Variants in SGK1 observed in about 807,000 individuals in gnomAD.
The protein encoded by SGK1 is serum/glucocorticoid regulated kinase 1.
In SGK1, 26 loss-of-function variants were observed where a neutral mutation model predicts 64.2. The observed-to-expected ratio is 0.40, with a 90% CI of 0.30 to 0.56. SGK1 has a LOEUF of 0.56. SGK1 is among the 20% of genes least tolerant of loss of function. The pLI is 0.38. For synonymous variants in SGK1, 265 were observed against 239.7 expected (o/e 1.11, Z -0.98); for missense variants, 519 against 645.6 (o/e 0.80, Z 2.12).
At chr6:134,191,676 T>G (rs892454674) in intron 3 of SGK1, among the ~76,000 whole-genome samples, 1 of 151,408 alleles carries the variant, frequency 6.6e-6, no homozygotes, top group African/African-American at 2.4e-5. Flanking sequence ...TGTTTTTGTT[T>G]TTTTTTTTTT....
At chr6:134,201,656 C>A (rs920821573) in intron 3 of SGK1, among the ~76,000 whole-genome samples, 1 of 152,162 alleles carries the variant, frequency 6.6e-6, no homozygotes, top group Non-Finnish European at 1.5e-5. Context: ...GCCACCACAC[C>A]CGACCTATTA....
intron 1 of SGK1, among the ~76,000 whole-genome samples, chr6:134,264,788 C>T (rs1582751170): frequency 6.6e-6 from 1 of 151,992 alleles, no homozygotes; most frequent in Admixed American, 6.6e-5. Context: ...GGACTACAGG[C>T]GTGCACCACC....
chr6:134,263,819 T>C (rs939705200), intron 1 of SGK1, among the ~76,000 whole-genome samples: 2 of 152,114 alleles, frequency 1.3e-5, no homozygotes, highest in Non-Finnish European at 2.9e-5. Flanking sequence ...CTTTAAACTT[T>C]GGGAGGCTAA....
intron 2 of SGK1, among the ~76,000 whole-genome samples, chr6:134,253,829 A>G (rs1776641404): frequency 6.6e-6 from 1 of 152,102 alleles, no homozygotes; most frequent in Non-Finnish European, 1.5e-5. Context: ...AATCGCATGG[A>G]TCCTTCCAGA....
intron 1 of SGK1, among the ~76,000 whole-genome samples, chr6:134,290,940 T>C (rs2114780331): frequency 6.6e-6 from 1 of 152,140 alleles, no homozygotes; most frequent in African/African-American, 2.4e-5. Flanking sequence ...TCAAAAAATA[T>C]ATTGAAGTGA....
chr6:134,232,483 G>GAGAAAGAA (rs1776305182), intron 2 of SGK1, among the ~76,000 whole-genome samples: 1 of 119,506 alleles, frequency 8.4e-6, no homozygotes, highest in African/African-American at 3.5e-5. Flanking sequence ...AAGAAAGAAA[G>GAGAAAGAA]AGAAAGAAAA....
At chr6:134,213,561 A>G (rs1237826147) in intron 2 of SGK1, among the ~76,000 whole-genome samples, 1 of 106,310 alleles carries the variant, frequency 9.4e-6, no homozygotes, top group African/African-American at 4.9e-5. Context: ...TGTCCTCATG[A>G]AACACCTGTG....
chr6:134,311,195 T>C (rs1043798940), intron 1 of SGK1, among the ~76,000 whole-genome samples: 2 of 152,192 alleles, frequency 1.3e-5, no homozygotes, highest in Non-Finnish European at 2.9e-5. Flanking sequence ...CCAAAGCCTG[T>C]TTAAAGGAAG....
intron 1 of SGK1, among the ~76,000 whole-genome samples, chr6:134,286,458 G>A (rs1418347225): frequency 1.3e-5 from 2 of 150,564 alleles, no homozygotes; most frequent in African/African-American, 4.9e-5. Context: ...GCAAGACCTT[G>A]TCTAAAAACA....
chr6:134,214,685 A>T (rs571945636), intron 2 of SGK1, among the ~76,000 whole-genome samples: 1 of 152,304 alleles, frequency 6.6e-6, no homozygotes, highest in South Asian at 2.1e-4. Context: ...CAGACAGAAT[A>T]ATTTGAATAA....
intron 13 of SGK1, 116 bp from the exon 14 acceptor site, chr6:134,170,551 C>T (rs943376211): frequency 2.1e-6 from 2 of 971,768 alleles, no homozygotes; most frequent in Non-Finnish European, 3.1e-6. Context: ...TCCATAATCA[C>T]CCACTTCAAG....
At chr6:134,201,942 G>C (rs2114677398) in intron 3 of SGK1, among the ~76,000 whole-genome samples, 1 of 152,124 alleles carries the variant, frequency 6.6e-6, no homozygotes, top group East Asian at 1.9e-4. Context: ...GCGTCACCTA[G>C]TTTCAAACTG....
intron 1 of SGK1, among the ~76,000 whole-genome samples, chr6:134,287,805 C>T (rs568409594): frequency 1.3e-5 from 2 of 152,002 alleles, no homozygotes; most frequent in Non-Finnish European, 2.9e-5. Context: ...TTGTACTATG[C>T]AAGAGACATA....
chr6:134,313,268 A>C (rs901285580), intron 1 of SGK1, among the ~76,000 whole-genome samples: 1 of 152,148 alleles, frequency 6.6e-6, no homozygotes, highest in Non-Finnish European at 1.5e-5. Context: ...CTGAAATGTC[A>C]ACACTTTGGG....
intron 3 of SGK1, among the ~76,000 whole-genome samples, chr6:134,206,911 C>T (rs1457625549): frequency 2.1e-5 from 3 of 142,406 alleles, no homozygotes; most frequent in East Asian, 4.3e-4. Flanking sequence ...GCAGTGTATT[C>T]GAGTGTTGGG....
chr6:134,191,286 C>T (rs1198406980), intron 3 of SGK1, among the ~76,000 whole-genome samples: 1 of 152,044 alleles, frequency 6.6e-6, no homozygotes, highest in African/African-American at 2.4e-5. Flanking sequence ...TTACCAAGGG[C>T]AAAAAAATCT....
intron 3 of SGK1, among the ~76,000 whole-genome samples, chr6:134,176,805 C>G (rs567729120): frequency 5.2e-4 from 79 of 152,340 alleles, no homozygotes; most frequent in Non-Finnish European, 9.8e-4. Flanking sequence ...AAAGTGAGCT[C>G]TAGTCTCAAC....
At chr6:134,300,234 TA>T (rs1250855081) in intron 1 of SGK1, among the ~76,000 whole-genome samples, 1 of 151,820 alleles carries the variant, frequency 6.6e-6, no homozygotes, top group Non-Finnish European at 1.5e-5. Context: ...AGAGATGAGT[TA>T]AGGTGAAAGA....
intron 2 of SGK1, among the ~76,000 whole-genome samples, chr6:134,231,938 T>A (rs771032261): frequency 4.0e-5 from 6 of 148,158 alleles, no homozygotes. Flanking sequence ...ACCCAGGAGG[T>A]TGAGGCAGGA....
Sources: gnomAD v4.1 joint callset for allele counts (sites outside exome capture counted in the v4.1 genomes callset) on GRCh38, gnomAD v4.1.1 for gene constraint, MANE v1.5 for transcripts, NCBI Gene and HGNC (gene_info 2026-07-23, HGNC 2026-07-21) for gene names.